Variants in TFAP2A observed in about 807,000 individuals in gnomAD.
TFAP2A encodes transcription factor AP-2-alpha.
In TFAP2A, 7 loss-of-function variants were observed where a neutral mutation model predicts 41.5. The ratio of observed to expected loss-of-function variants is 0.17; its 90% CI spans 0.10 to 0.32. The LOEUF (loss-of-function observed/expected upper bound fraction) is 0.32, where lower values mean the gene tolerates loss of function less well. TFAP2A is among the 10% of genes least tolerant of loss of function. The pLI is 1.00. For synonymous variants in TFAP2A, 247 were observed against 242.8 expected (o/e 1.02, Z -0.16); for missense variants, 416 against 563.3 (o/e 0.74, Z 2.65).
intron 4 of TFAP2A, 91 bp downstream of exon 4, chr6:10,404,417 G>GGCCTGTTTGCGTC: frequency 1.1e-6 from 1 of 924,374 alleles, no homozygotes; most frequent in Non-Finnish European, 1.5e-6. Flanking sequence ...CGCGGCGCGA[G>GGCCTGTTTGCGTC]GCCTGTTTGC....
chr6:10,417,849 C>A (rs1758301726), upstream of TFAP2A, among the ~76,000 whole-genome samples: 1 of 152,184 alleles, frequency 6.6e-6, no homozygotes, highest in African/African-American at 2.4e-5. Context: ...CTCCCTCCTT[C>A]CTCCTCCTGC....
chr6:10,404,355 T>A, intron 4 of TFAP2A, 153 bp downstream of exon 4: 14 of 182,362 alleles, frequency 7.7e-5, no homozygotes, highest in East Asian at 1.7e-4. Flanking sequence ...TCCCGCCCAC[T>A]TGGCTCTACG....
At chr6:10,402,422 A>G (rs538294033) in intron 5 of TFAP2A, 70 bp downstream of exon 5, 2 of 1,139,740 alleles carry the variant, frequency 1.8e-6, no homozygotes, top group East Asian at 2.3e-5. Context: ...ACGACCAAAC[A>G]TCTGGCCACT....
chr6:10,414,823 C>T (rs1019746262), intron 1 of TFAP2A, 118 bp downstream of exon 1: 17 of 1,377,628 alleles, frequency 1.2e-5, no homozygotes, highest in Non-Finnish European at 1.8e-5. Context: ...GGGCGCTGCG[C>T]TGGGGAAAGT....
At chr6:10,405,614 G>A (rs186260400) in intron 3 of TFAP2A, 1 of 152,030 alleles carries the variant, frequency 6.6e-6, no homozygotes. Flanking sequence ...CCTGCAGAAA[G>A]TATACTAATG....
chr6:10,412,601 C>A, intron 1 of TFAP2A: 1 of 232,352 alleles, frequency 4.3e-6, no homozygotes, highest in Non-Finnish European at 9.1e-6. Context: ...CTGGGGCAGA[C>A]CTCGGGATGC....
chr6:10,411,974 G>C (rs556250805), intron 1 of TFAP2A: 1 of 1,089,008 alleles, frequency 9.2e-7, no homozygotes, highest in East Asian at 7.0e-5. Context: ...CGGCGGCTTC[G>C]CTTGAGCTTC....
chr6:10,412,137 C>G lies in TFAP2A; in HGVS notation c.52-1802G>C, dbSNP rs543565948. On this transcript the variant is annotated intron_variant, in intron 1 of 6. Coordinates refer to ENST00000379613, the MANE Select transcript of TFAP2A (RefSeq NM_001372066.1). ...CGCCGGAGCCGGCTCTCAATGCAGT[C>G]CATTGACGGGAGTCTCAGTGTAGCA... 199 of 992,612 alleles carry G rather than the reference C, an allele frequency of 2.0e-4. 1 individual carries two copies. In the South Asian group the frequency reaches 8.0e-3, roughly 40 times the overall value. 61.5% of individuals were successfully genotyped at this position (992,612 alleles called of 1,614,324 possible). A position where few individuals can be genotyped will look rare whatever the true frequency, so the allele number is the denominator to read the frequency against.
chr6:10,412,311 G>C, intron 1 of TFAP2A: 1 of 985,488 alleles, frequency 1.0e-6, no homozygotes, highest in South Asian at 4.7e-5. Context: ...AAGTGAAAGA[G>C]AAAGAGGCAG....
At chr6:10,411,438 G>T in intron 1 of TFAP2A, 1 of 1,475,486 alleles carries the variant, frequency 6.8e-7, no homozygotes, top group Non-Finnish European at 9.4e-7. Flanking sequence ...GGTGGGGTGG[G>T]GGATGCAAAT....
Position 10,407,096 on chromosome 6 carries a change from G to A in TFAP2A, c.487-252C>T, listed in dbSNP as rs963725325. The A allele has an allele frequency of 7.2e-5, 39 of 541,350 alleles. No individual in the cohort carries two copies. In the African/African-American group the frequency reaches 7.2e-4, roughly 10 times the overall value. 33.5% of individuals were successfully genotyped at this position (541,350 alleles called of 1,614,324 possible). ...TCCATGTTTAAAAGGGGTGGAGATG[G>A]GGAATAAAACTTTCTTTGGAAATTA... On this transcript the variant is annotated intron_variant, in intron 2 of 6. Coordinates refer to ENST00000379613, the MANE Select transcript of TFAP2A (RefSeq NM_001372066.1).
chr6:10,398,674 C>T lies in TFAP2A; in HGVS notation c.1063G>A (p.Ala355Thr), dbSNP rs759083592. 1 of 1,614,116 alleles carries T rather than the reference C, an allele frequency of 6.2e-7. No homozygotes were observed. Among genetic ancestry groups the T allele is most frequent in the African/African-American group, 1.3e-5 (1 of 75,022 alleles). The change falls in exon 7 of 7, where the codon GCT (alanine) becomes ACT (threonine). Residue 355 changes from alanine to threonine, a missense_variant. Physicochemically the swap from Ala to Thr is moderately conservative, Grantham distance 58. This residue lies in a region of TFAP2A where 116 missense variants were observed against 153.8 expected (regional missense o/e 0.75). Transcript: ENST00000379613. This position sits in a 1 kb window ranked among gnomAD's most constrained non-coding sequence, Gnocchi z 5.3. ...TTCCCCAGGGGAGATCGGTCCTGAG[C>T]CAGCAGGTCGGTGAACTCTTTGCAT... ...QICKEFTDLL[A>T]QDRSPLGNSR...
chr6:10,406,876 G>T, intron 2 of TFAP2A, 32 bp from the exon 3 acceptor site: 1 of 1,566,422 alleles, frequency 6.4e-7, no homozygotes, highest in Non-Finnish European at 8.8e-7. Flanking sequence ...GGATGTAAGT[G>T]TATCATCAAA....
At chr6:10,416,233 A>G (rs1327808842), upstream of TFAP2A, 1 of 151,876 alleles carries the variant, frequency 6.6e-6, no homozygotes, top group Non-Finnish European at 1.5e-5. Context: ...AAGCAGGGAG[A>G]GTTCCTTCAT....
intron 4 of TFAP2A, 144 bp downstream of exon 4, chr6:10,404,364 C>G (rs1041197990): frequency 2.8e-6 from 1 of 356,466 alleles, no homozygotes; most frequent in Non-Finnish European, 4.6e-6. Flanking sequence ...CTTGGCTCTA[C>G]GCTCTTCTCC....
chr6:10,414,585 A>G (rs1183686545), intron 1 of TFAP2A: 1 of 461,780 alleles, frequency 2.2e-6, no homozygotes, highest in Non-Finnish European at 4.0e-6. Context: ...TTGGGCCCTC[A>G]ATCTCGATGA....
chr6:10,408,140 T>C (rs1446402534), intron 2 of TFAP2A, among the ~76,000 whole-genome samples: 1 of 152,242 alleles, frequency 6.6e-6, no homozygotes, highest in African/African-American at 2.4e-5. Flanking sequence ...GATTTGATTT[T>C]CTTAAATATT....
chr6:10,417,772 G>A (rs1437216806), upstream of TFAP2A, among the ~76,000 whole-genome samples: 4 of 152,150 alleles, frequency 2.6e-5, no homozygotes, highest in Admixed American at 6.5e-5. Context: ...AAATCCGCTC[G>A]CCCCACCCGA....
chr6:10,408,777 A>G (rs1757825607), intron 2 of TFAP2A, among the ~76,000 whole-genome samples: 1 of 152,244 alleles, frequency 6.6e-6, no homozygotes. Flanking sequence ...CTATTTTCCT[A>G]CGGAACTTAA....
Sources: gnomAD v4.1 joint callset for allele counts (sites outside exome capture counted in the v4.1 genomes callset) on GRCh38, gnomAD v4.1.1 for gene constraint, gnomAD v4.1.1 regional missense constraint, Gnocchi (gnomAD v3.1) non-coding constraint, MANE v1.5 for transcripts, NCBI Gene and HGNC (gene_info 2026-07-23, HGNC 2026-07-21) for gene names.